NRAP: variants seen among roughly 807,000 people sequenced by gnomAD.
NRAP encodes the protein nebulin-related-anchoring protein.
NRAP carries 189 observed loss-of-function variants against 225.9 expected under a neutral mutation model. That is an observed-to-expected ratio of 0.84 (90% confidence interval 0.74 to 0.94). The LOEUF is 0.94. Ranked by LOEUF, NRAP falls within the 40% of genes least tolerant of loss-of-function variation. NRAP has a pLI of 0.00. For synonymous variants in NRAP, 769 were observed against 790.7 expected, an observed-to-expected ratio of 0.97 and a Z score of 0.46; for missense variants, 2,176 against 2,168.7, an observed-to-expected ratio of 1.00 and a Z score of -0.07.
intron 1 of NRAP, among the ~76,000 whole-genome samples, 158 bp downstream of exon 1, chr10:113,663,653 G>T (rs558612419): frequency 6.6e-6 from 1 of 152,168 alleles, no homozygotes; most frequent in Admixed American, 6.5e-5. Flanking sequence ...AAATAGAAAT[G>T]TGTAGAACTA....
At chr10:113,611,406 C>T (rs541575602) in intron 30 of NRAP, among the ~76,000 whole-genome samples, 2 of 152,276 alleles carry the variant, frequency 1.3e-5, no homozygotes, top group East Asian at 3.9e-4. Context: ...CTAAGCGGGC[C>T]CATTACCTGC....
chr10:113,606,935 G>A (rs1006502181), intron 32 of NRAP, among the ~76,000 whole-genome samples: 10 of 152,112 alleles, frequency 6.6e-5, no homozygotes, highest in African/African-American at 2.2e-4. Context: ...AGGCGTGGTG[G>A]TTCATGCCTG....
At chr10:113,648,467 C>CTATATATATATATA (rs1554867329) in intron 9 of NRAP, among the ~76,000 whole-genome samples, 4 of 87,388 alleles carry the variant, frequency 4.6e-5, no homozygotes, top group African/African-American at 1.3e-4. Flanking sequence ...CTCTCTCTCT[C>CTATATATATATATA]TATATATATA....
At position 113,648,980 on chromosome 10, in the gene NRAP, T is replaced by C. The variant is rs1359779530; in HGVS notation, c.888+1057A>G. ...TGCCAAATATAGAAGCCAGATTTTT[T>C]TTAAGCTGATTTTTAAAAGTTGTCC... On this transcript the variant is annotated intron_variant, in intron 9 of 41. Transcript: ENST00000359988. 4.6e-5 allele frequency among the ~76,000 whole-genome samples: 7 copies of C among 152,358 alleles called. No homozygotes were observed. The East Asian group carries it at 1.3e-3, about 29-fold the overall frequency.
Position 113,590,785 on chromosome 10 carries a change from G to A in NRAP, c.4749C>T (p.Leu1583=), listed in dbSNP as rs759804212. Reference sequence around the variant, plus strand: ...CCTTCTTGTACTCATTGTCACTCTGGAGCCTGCCAACGTTGAGGAAATGCT... The same window carrying A: ...CCTTCTTGTACTCATTGTCACTCTGAAGCCTGCCAACGTTGAGGAAATGCT... The part of the protein sequence containing the change: ...RMKHFLNVGR[L]QSDNEYKKDF... The change falls in exon 40 of 42, where the codon CTC becomes CTT. Residue 1583 remains leucine, a synonymous_variant. Coordinates refer to ENST00000359988, the MANE Select transcript of NRAP (RefSeq NM_198060.4). 1.2e-5 allele frequency: 19 copies of A among 1,614,198 alleles called. No individual in the cohort carries two copies. The highest frequency in any genetic ancestry group is 3.4e-6 in the Non-Finnish European group (4 of 1,180,028).
chr10:113,595,172 CG>C (rs576991731), intron 38 of NRAP, among the ~76,000 whole-genome samples: 1,951 of 152,252 alleles, frequency 0.013, 23 homozygotes, highest in Non-Finnish European at 0.019. Flanking sequence ...TGCATTTGGA[CG>C]GGATGGGCTA....
chr10:113,635,887 T>C (rs769481981), intron 14 of NRAP, among the ~76,000 whole-genome samples: 5 of 152,224 alleles, frequency 3.3e-5, no homozygotes, highest in Non-Finnish European at 7.3e-5. Flanking sequence ...GTGGGGTTCC[T>C]ACTCTGCAGA....
intron 31 of NRAP, among the ~76,000 whole-genome samples, chr10:113,609,792 G>C (rs974662695): frequency 6.6e-6 from 1 of 152,106 alleles, no homozygotes; most frequent in Non-Finnish European, 1.5e-5. Flanking sequence ...ATCTCTCTCT[G>C]TTGGTCTTCA....
intron 11 of NRAP, among the ~76,000 whole-genome samples, chr10:113,644,276 AC>A (rs1356301399): frequency 6.6e-6 from 1 of 151,896 alleles, no homozygotes; most frequent in African/African-American, 2.4e-5. Flanking sequence ...TAGATACTTT[AC>A]TTTTCCAGGC....
chr10:113,614,708 T>C (rs1453680859), intron 28 of NRAP, 131 bp downstream of exon 28: 5 of 650,938 alleles, frequency 7.7e-6, no homozygotes, highest in African/African-American at 3.6e-5. Flanking sequence ...CATTATCTGA[T>C]TGCCCTGACA....
intron 4 of NRAP, 152 bp from the exon 5 acceptor site, chr10:113,654,277 GC>G (rs1196241490): frequency 5.3e-6 from 3 of 565,320 alleles, no homozygotes; most frequent in Non-Finnish European, 9.6e-6. Context: ...TTTATTTCAG[GC>G]TAGAAAATGA....
At chr10:113,657,280 G>T (rs1850365412) in intron 4 of NRAP, among the ~76,000 whole-genome samples, 190 bp downstream of exon 4, 1 of 152,168 alleles carries the variant, frequency 6.6e-6, no homozygotes, top group Non-Finnish European at 1.5e-5. Context: ...CAATGAACCT[G>T]GTCTGGGGAA....
At chr10:113,646,789 T>G in intron 10 of NRAP, 134 bp downstream of exon 10, 1 of 680,764 alleles carries the variant, frequency 1.5e-6, no homozygotes, top group South Asian at 1.7e-5. Context: ...TAAATTTGGA[T>G]GGGAGTTGAG....
chr10:113,604,601 A>AC lies in NRAP; in HGVS notation c.4227+7dup. ...GGGCTGGTTTGCATTCCACAAGGCC[A>AC]CCCCTACCTCACTCTGCAGGGCATG... On this transcript the variant is annotated splice_region_variant and intron_variant, in intron 35 of 41. Transcript: ENST00000359988. 1 of 1,607,316 alleles carries AC rather than the reference A, an allele frequency of 6.2e-7. No individual in the cohort carries two copies. The highest frequency in any genetic ancestry group is 8.5e-7 in the Non-Finnish European group (1 of 1,174,616).
chr10:113,606,244 C>A lies in NRAP; in HGVS notation c.3741G>T (p.Glu1247Asp). Reference sequence around the variant, plus strand: ...CGGGCAGACCCAGGGTCATTGTATACTCGTGTCTTGCATCCTCTCCAGCTG... The same window carrying A: ...CGGGCAGACCCAGGGTCATTGTATAATCGTGTCTTGCATCCTCTCCAGCTG... Reference protein sequence around the residue: ...YKAAGEDARHEYTMTLGLPEF... With the variant: ...YKAAGEDARHDYTMTLGLPEF... Residue 1247 changes from glutamate to aspartate, a missense_variant, in exon 33 of 42, where the codon GAG becomes GAT. Coordinates refer to ENST00000359988, the MANE Select transcript of NRAP (RefSeq NM_198060.4). 1 of 1,614,106 alleles carries A rather than the reference C, an allele frequency of 6.2e-7. No individual in the cohort carries two copies. Among genetic ancestry groups the A allele is most frequent in the Non-Finnish European group, 8.5e-7 (1 of 1,179,950 alleles).
chr10:113,614,073 G>A, intron 29 of NRAP, 110 bp downstream of exon 29: 1 of 736,606 alleles, frequency 1.4e-6, no homozygotes. Context: ...TAGCAAGTTA[G>A]CAACAGAACC....
intron 4 of NRAP, 84 bp from the exon 5 acceptor site, chr10:113,654,209 C>T: frequency 1.2e-6 from 1 of 800,714 alleles, no homozygotes; most frequent in Non-Finnish European, 2.2e-6. Flanking sequence ...AGAAGATATT[C>T]TTAAACATTA....
intron 27 of NRAP, 75 bp from the exon 28 acceptor site, chr10:113,615,021 G>C: frequency 1.1e-6 from 1 of 928,674 alleles, no homozygotes; most frequent in Non-Finnish European, 1.8e-6. Flanking sequence ...TACCAAATTG[G>C]CAATCTGGTT....
intron 4 of NRAP, among the ~76,000 whole-genome samples, chr10:113,655,958 C>A (rs921364183): frequency 2.0e-5 from 3 of 152,148 alleles, no homozygotes; most frequent in African/African-American, 7.2e-5. Context: ...ACTATCTGAA[C>A]AGATCCCTCC....
Sources: gnomAD v4.1 joint callset for allele counts (sites outside exome capture counted in the v4.1 genomes callset) on GRCh38, gnomAD v4.1.1 for gene constraint, MANE v1.5 for transcripts, NCBI Gene and HGNC (gene_info 2026-07-23, HGNC 2026-07-21) for gene names.